CSMD1: variants seen among roughly 807,000 people sequenced by gnomAD.
The protein encoded by CSMD1 is CUB and Sushi multiple domains 1, also known as CUB and sushi domain-containing protein 1.
Under a neutral mutation model 417.5 loss-of-function variants are expected in CSMD1, and 213 were observed. That is an observed-to-expected ratio of 0.51 (90% CI 0.46 to 0.57). The LOEUF (loss-of-function observed/expected upper bound fraction) is 0.57, where lower values mean the gene tolerates loss of function less well. CSMD1 is among the 20% of genes least tolerant of loss of function. The pLI, the probability that CSMD1 is intolerant of heterozygous loss-of-function variation, is 0.00. For missense variants in CSMD1, 6,923 were observed against 4,529.7 expected (o/e 1.53, Z -15.17); for synonymous variants, 2,862 against 1,736.8 (o/e 1.65, Z -16.11).
chr8:4,128,051 C>G (rs1024982264), intron 3 of CSMD1, among the ~76,000 whole-genome samples: 1 of 152,176 alleles, frequency 6.6e-6, no homozygotes, highest in Non-Finnish European at 1.5e-5. Context: ...TTTATAACAT[C>G]TCAAGAGCAG....
At chr8:4,582,517 T>C (rs937825351) in intron 2 of CSMD1, among the ~76,000 whole-genome samples, 3 of 152,126 alleles carry the variant, frequency 2.0e-5, no homozygotes, top group African/African-American at 7.2e-5. Context: ...AACTAAGTCC[T>C]GTAGTCTCAC....
rs535362125 is a variant in CSMD1 at position 3,099,655 on chromosome 8, G to A, written c.6950-2618C>T. 3.3e-5 allele frequency among the ~76,000 whole-genome samples: 5 copies of A among 152,292 alleles called. No homozygotes were observed. In the East Asian group the frequency reaches 9.7e-4, roughly 29 times the overall value. On this transcript the variant is annotated intron_variant, in intron 46 of 69. Coordinates refer to ENST00000635120, the MANE Select transcript of CSMD1 (RefSeq NM_033225.6). ...TCTGGAAGTAAGAAACCTTTACTGA[G>A]TTGCTAAAATCCACCTGAAAACCTA...
At chr8:3,301,621 A>G (rs1233739814) in intron 25 of CSMD1, among the ~76,000 whole-genome samples, 1 of 152,220 alleles carries the variant, frequency 6.6e-6, no homozygotes, top group Non-Finnish European at 1.5e-5. Context: ...CCACAGTAGC[A>G]CAGGCTATGA....
intron 2 of CSMD1, among the ~76,000 whole-genome samples, chr8:4,561,026 C>T (rs1798307836): frequency 6.6e-6 from 1 of 152,134 alleles, no homozygotes; most frequent in Non-Finnish European, 1.5e-5. Flanking sequence ...ATATATTCAA[C>T]CCATACCAAT....
chr8:3,857,503 C>A (rs963201456), intron 5 of CSMD1, among the ~76,000 whole-genome samples: 1 of 152,128 alleles, frequency 6.6e-6, no homozygotes, highest in Non-Finnish European at 1.5e-5. Context: ...TACCTAAGTC[C>A]AGAAATAGTA....
chr8:4,058,675 A>C (rs1798819967), intron 3 of CSMD1, among the ~76,000 whole-genome samples: 1 of 144,664 alleles, frequency 6.9e-6, no homozygotes, highest in South Asian at 2.4e-4. Context: ...TAAACCAACA[A>C]AGATCAAAAG....
At chr8:4,967,835 A>T (rs1027665201) in intron 1 of CSMD1, among the ~76,000 whole-genome samples, 1 of 152,186 alleles carries the variant, frequency 6.6e-6, no homozygotes, top group African/African-American at 2.4e-5. Context: ...GGAAGTTGTA[A>T]CAGTTGAGAT....
intron 7 of CSMD1, among the ~76,000 whole-genome samples, chr8:3,621,248 A>G (rs1181982722): frequency 1.3e-5 from 2 of 152,180 alleles, no homozygotes; most frequent in Non-Finnish European, 2.9e-5. Flanking sequence ...TCGAAAATGA[A>G]TCACCCCAAA....
chr8:3,923,437 G>C (rs767179115), intron 5 of CSMD1, among the ~76,000 whole-genome samples: 1 of 151,798 alleles, frequency 6.6e-6, no homozygotes, highest in East Asian at 1.9e-4. Context: ...TTGCTTATTG[G>C]ATCATTTGCT....
intron 3 of CSMD1, among the ~76,000 whole-genome samples, chr8:4,374,175 C>A (rs532549162): frequency 6.6e-6 from 1 of 152,262 alleles, no homozygotes; most frequent in South Asian, 2.1e-4. Context: ...TAGATCCCCC[C>A]TCTGAGTTCC....
At chr8:4,227,487 C>T (rs1005860561) in intron 3 of CSMD1, among the ~76,000 whole-genome samples, 9 of 152,006 alleles carry the variant, frequency 5.9e-5, no homozygotes, top group African/African-American at 2.2e-4. Flanking sequence ...AGTCCTGTGC[C>T]CTTGAGGCTG....
rs569092529 is a variant in CSMD1, at chr8:3,537,877, A to C, written c.1344+37068T>G. 6.6e-5 allele frequency among the ~76,000 whole-genome samples: 10 copies of C among 152,350 alleles called. No individual in the cohort carries two copies. The East Asian group carries it at 1.4e-3, about 21-fold the overall frequency. On this transcript the variant is annotated intron_variant, in intron 10 of 69. Coordinates refer to ENST00000635120, the MANE Select transcript of CSMD1 (RefSeq NM_033225.6). The stretch of plus-strand genomic sequence containing the variant: ...AATTAATTCAGGAGCCTCTTCTCCC[A>C]TATTTCATTGTTGATGTTCCTTTTA...
intron 49 of CSMD1, among the ~76,000 whole-genome samples, chr8:3,077,733 C>T (rs1585291558): frequency 6.6e-6 from 1 of 152,348 alleles, no homozygotes; most frequent in South Asian, 2.1e-4. Context: ...CAGAGCTGCT[C>T]TTCTTTCTGC....
At chr8:4,472,483 C>A (rs1203028249) in intron 2 of CSMD1, among the ~76,000 whole-genome samples, 2 of 151,600 alleles carry the variant, frequency 1.3e-5, no homozygotes, top group Admixed American at 6.6e-5. Context: ...GAGAGGGACC[C>A]GGGGAACCTT....
intron 11 of CSMD1, among the ~76,000 whole-genome samples, chr8:3,480,633 C>T (rs1585227631): frequency 6.6e-6 from 1 of 152,166 alleles, no homozygotes; most frequent in East Asian, 1.9e-4. Flanking sequence ...CATTCCAAGA[C>T]ACATCTAATC....
At chr8:4,801,164 A>AC (rs1436433383) in intron 1 of CSMD1, among the ~76,000 whole-genome samples, 10 of 152,200 alleles carry the variant, frequency 6.6e-5, no homozygotes, top group African/African-American at 2.2e-4. Flanking sequence ...TCAATGTCTT[A>AC]CTTCAGACTG....
chr8:4,048,586 G>C lies in CSMD1; in HGVS notation c.416-16487C>G, dbSNP rs1252154161. Reference sequence around the variant, plus strand: ...TTTGACCTGAGGTGGTGTGGCTCCAGAGTTTGTATACAAACAGCACACACC... The same window carrying C: ...TTTGACCTGAGGTGGTGTGGCTCCACAGTTTGTATACAAACAGCACACACC... On this transcript the variant is annotated intron_variant, in intron 3 of 69. Coordinates refer to ENST00000635120, the MANE Select transcript of CSMD1 (RefSeq NM_033225.6). Among the ~76,000 whole-genome samples, 9 of 152,166 alleles carry C rather than the reference G, an allele frequency of 5.9e-5. No individual in the cohort carries two copies. In the East Asian group the frequency reaches 1.5e-3, roughly 26 times the overall value.
chr8:4,902,343 A>T (rs1256696273), intron 1 of CSMD1, among the ~76,000 whole-genome samples: 1 of 151,764 alleles, frequency 6.6e-6, no homozygotes, highest in East Asian at 2.0e-4. Context: ...AGACTGAGGC[A>T]GAAGGATTGA....
At chr8:4,249,908 G>A (rs1802951024) in intron 3 of CSMD1, among the ~76,000 whole-genome samples, 2 of 152,120 alleles carry the variant, frequency 1.3e-5, no homozygotes, top group Non-Finnish European at 2.9e-5. Flanking sequence ...CTAGAAGCTG[G>A]GAGCTCCTGG....
Sources: allele counts gnomAD v4.1 joint callset (sites outside exome capture counted in the v4.1 genomes callset), GRCh38; gene constraint gnomAD v4.1.1; transcripts MANE v1.5; gene names NCBI Gene and HGNC (gene_info 2026-07-23, HGNC 2026-07-21).